The following ESR2 variants were observed in gnomAD, a reference collection of about 807,000 sequenced individuals.
The protein encoded by ESR2 is estrogen receptor beta.
In ESR2, 36 loss-of-function variants were observed where a neutral mutation model predicts 49.6. The observed-to-expected ratio is 0.73, with a 90% confidence interval of 0.56 to 0.96. ESR2 has a LOEUF of 0.96. ESR2 is among the 40% of genes least tolerant of loss of function. ESR2 has a pLI of 0.00. For synonymous variants in ESR2, 320 were observed against 266.1 expected (o/e 1.20, Z -1.97); for missense variants, 714 against 693.0 (o/e 1.03, Z -0.34).
upstream of ESR2, among the ~76,000 whole-genome samples, chr14:64,298,018 CCTTT>C (rs2076979802): frequency 1.3e-5 from 2 of 152,236 alleles, no homozygotes; most frequent in African/African-American, 4.8e-5. Flanking sequence ...TGCAATAACA[CCTTT>C]TTTTGGTGGT....
chr14:64,243,555 TG>T (rs2075785470), intron 7 of ESR2, among the ~76,000 whole-genome samples: 1 of 152,246 alleles, frequency 6.6e-6, no homozygotes, highest in African/African-American at 2.4e-5. Flanking sequence ...AGCTTTGTGC[TG>T]GGATGCAGTT....
chr14:64,277,625 CAAAAAAA>C (rs55742946), intron 3 of ESR2, among the ~76,000 whole-genome samples: 144 of 92,294 alleles, frequency 1.6e-3, no homozygotes, highest in Middle Eastern at 5.4e-3. Context: ...ACTCCATCTC[CAAAAAAA>C]AAAAAAAAAA....
At chr14:64,330,366 T>G (rs1467619113) in intron 1 of ESR2, 1 of 151,376 alleles carries the variant, frequency 6.6e-6, no homozygotes, top group Non-Finnish European at 1.5e-5. Flanking sequence ...GAGGCAGAGG[T>G]TACGGTGAGC....
intron 4 of ESR2, among the ~76,000 whole-genome samples, chr14:64,261,236 T>TTC (rs1555577183): frequency 6.9e-5 from 5 of 72,116 alleles, no homozygotes; most frequent in Non-Finnish European, 1.0e-4. Context: ...ATTTTTCTTT[T>TTC]TTCTTTTTTT....
intron 1 of ESR2, among the ~76,000 whole-genome samples, chr14:64,288,408 G>C (rs188072240): frequency 1.3e-5 from 2 of 150,378 alleles, no homozygotes; most frequent in African/African-American, 4.9e-5. Flanking sequence ...GAGTGCAGTG[G>C]TGCAATCTTG....
intron 1 of ESR2, among the ~76,000 whole-genome samples, chr14:64,300,289 G>T (rs932386323): frequency 2.6e-5 from 4 of 152,162 alleles, no homozygotes; most frequent in Non-Finnish European, 5.9e-5. Context: ...CAGTTTCTGT[G>T]TTCCTAGCAC....
Position 64,257,220 on chromosome 14 carries a change from T to C in ESR2, c.1091+6A>G, listed in dbSNP as rs1022360990. On this transcript the variant is annotated splice_donor_region_variant and intron_variant, in intron 6 of 8. Coordinates refer to ENST00000341099, the MANE Select transcript of ESR2 (RefSeq NM_001437.3). ...CAGAGAAGAAACACAATGTATTTTT[T>C]CTCACCTGTCCAGAACAAGATCTGG... is the stretch of plus-strand genomic sequence containing the variant. 10 of 1,614,008 alleles carry C rather than the reference T, an allele frequency of 6.2e-6. No homozygotes were observed. The highest frequency in any genetic ancestry group is 5.0e-5 in the Admixed American group (3 of 60,016).
At chr14:64,271,388 T>C (rs6573551) in intron 3 of ESR2, among the ~76,000 whole-genome samples, 25,042 of 152,078 alleles carry the variant, frequency 0.16, 2,829 homozygotes, top group African/African-American at 0.31. Context: ...TTCAGTGGCA[T>C]GATCTCGACT....
chr14:64,293,006 T>TA (rs1249083159), intron 1 of ESR2, among the ~76,000 whole-genome samples: 3 of 152,290 alleles, frequency 2.0e-5, no homozygotes, highest in South Asian at 2.1e-4. Flanking sequence ...GAAATTCATC[T>TA]AAAAAAATGC....
At position 64,309,942 on chromosome 14, in the gene ESR2, C is replaced by T. The variant is rs189432538; in HGVS notation, c.-90-26867G>A. 4.1e-3 allele frequency among the ~76,000 whole-genome samples: 626 copies of T among 151,428 alleles called. 2 individuals are homozygous for T. Among genetic ancestry groups the T allele is most frequent in the African/African-American group, 0.014 (595 of 41,294 alleles). On this transcript the variant is annotated intron_variant, in intron 1 of 8. Coordinates refer to the ESR2 transcript ENST00000358599. ...TCTAATAAAAATACAAAAAATTAGC[C>T]GGGCATGGTGGCGGGCGCCTGTAGT...
chr14:64,287,566 T>A (rs1440789453), intron 1 of ESR2, among the ~76,000 whole-genome samples: 1 of 152,228 alleles, frequency 6.6e-6, no homozygotes, highest in Non-Finnish European at 1.5e-5. Flanking sequence ...GTCAGTGGCA[T>A]CTTGAATAGT....
chr14:64,265,987 G>C (rs149939709), intron 4 of ESR2, among the ~76,000 whole-genome samples: 2 of 152,294 alleles, frequency 1.3e-5, no homozygotes, highest in Non-Finnish European at 2.9e-5. Context: ...CATCTCTAAT[G>C]ATCTTTCTCT....
chr14:64,337,935 G>A (rs1477656439), exon 1 of ESR2: 1 of 152,520 alleles, frequency 6.6e-6, no homozygotes. Flanking sequence ...ACCTGAGCGC[G>A]GTTCCTCCAG....
rs915293991 is a variant in ESR2 at position 64,229,432 on chromosome 14, T to C, written c.*3705A>G. 6.6e-6 allele frequency among the ~76,000 whole-genome samples: 1 copy of C among 152,094 alleles called. No individual in the cohort carries two copies. The highest frequency in any genetic ancestry group is 1.5e-5 in the Non-Finnish European group (1 of 68,032). ...CCGTGGGCTTTAATTTACACAGATA[T>C]GAAAGGTGGAGTTGAACTTTGATGT... is the stretch of plus-strand genomic sequence containing the variant. On this transcript the variant is annotated 3_prime_UTR_variant, in exon 9 of 9. Coordinates refer to ENST00000341099, the MANE Select transcript of ESR2 (RefSeq NM_001437.3).
Position 64,282,677 on chromosome 14 carries a change from T to C in ESR2, c.309A>G (p.Gln103=). 6.2e-7 allele frequency: 1 copy of C among 1,613,210 alleles called. No homozygotes were observed. Among genetic ancestry groups the C allele is most frequent in the Non-Finnish European group, 8.5e-7 (1 of 1,179,160 alleles). Residue 103 remains glutamine (Q), a synonymous_variant, in exon 2 of 9, where the codon CAA becomes CAG. Transcript: ENST00000341099. ...RQLSHLYAEP[Q]KSPWCEARSL... ...ATCTTGCTTCACACCAGGGACTCTT[T>C]TGAGGTTCCGCATACAGATGTGATA...
downstream of ESR2, chr14:64,227,546 G>C (rs141329819): frequency 6.2e-7 from 1 of 1,614,182 alleles, no homozygotes; most frequent in South Asian, 1.1e-5. Flanking sequence ...CTGCTCCATC[G>C]TTGCTTCAGG....
chr14:64,246,872 A>G (rs920505042), intron 7 of ESR2, among the ~76,000 whole-genome samples: 2 of 151,412 alleles, frequency 1.3e-5, no homozygotes, highest in African/African-American at 4.8e-5. Context: ...TAAACAGGGA[A>G]GGGTGTGTTG....
rs1215070924 is a variant in ESR2 at position 64,280,131 on chromosome 14, T to C, written c.385A>G (p.Ser129Gly). The C allele has an allele frequency of 6.2e-7, 1 of 1,613,854 alleles. No homozygotes were observed. Among genetic ancestry groups the C allele is most frequent in the African/African-American group, 1.3e-5 (1 of 74,890 alleles). Residue 129 changes from serine to glycine, a missense_variant, in exon 3 of 9, where the codon AGT (serine) becomes GGT (glycine). Physicochemically the swap from Ser to Gly is moderately conservative, Grantham distance 56 (BLOSUM62 0). Coordinates refer to ENST00000341099, the MANE Select transcript of ESR2 (RefSeq NM_001437.3). ...VNRETLKRKV[S>G]GNRCASPVTG... ...ACAGGGCTGGCGCAACGGTTCCCAC[T>C]AACCTTCCTTTTCAGTGTCTCTCTA...
At chr14:64,323,485 T>A (rs1266458440) in intron 1 of ESR2, among the ~76,000 whole-genome samples, 1 of 151,578 alleles carries the variant, frequency 6.6e-6, no homozygotes. Context: ...AGATTACAGG[T>A]GTGAGCCACC....
Sources: gnomAD v4.1 joint callset for allele counts (sites outside exome capture counted in the v4.1 genomes callset) on GRCh38, gnomAD v4.1.1 for gene constraint, MANE v1.5 for transcripts, NCBI Gene and HGNC (gene_info 2026-07-23, HGNC 2026-07-21) for gene names.